Variants in SFPQ observed in about 807,000 individuals in gnomAD.
SFPQ encodes splicing factor, proline- and glutamine-rich.
Under a neutral mutation model 72.9 loss-of-function variants are expected in SFPQ, and 11 were observed. The observed-to-expected ratio is 0.15, with a 90% CI of 0.09 to 0.25. The LOEUF is 0.25. SFPQ is among the 10% of genes least tolerant of loss of function. The pLI, the probability that SFPQ is intolerant of heterozygous loss-of-function variation, is 1.00. For synonymous variants in SFPQ, 506 were observed against 367.3 expected (o/e 1.38, Z -4.32); for missense variants, 847 against 993.3 (o/e 0.85, Z 1.98).
downstream of SFPQ, chr1:35,181,411 G>T: frequency 9.4e-7 from 1 of 1,063,974 alleles, no homozygotes; most frequent in Non-Finnish European, 1.1e-6. Context: ...TTGCACAGGC[G>T]TAACATTACA....
downstream of SFPQ, chr1:35,181,673 G>A (rs1303932156): frequency 3.8e-6 from 4 of 1,060,446 alleles, no homozygotes; most frequent in South Asian, 1.4e-4. Context: ...ATGAGAAAGT[G>A]GAGAAGAGGA....
Position 35,189,195 on chromosome 1 carries a change from A to G in SFPQ, c.1603T>C (p.Leu535=), listed in dbSNP as rs1049105028. 13 of 1,613,796 alleles carry G rather than the reference A, an allele frequency of 8.1e-6. 1 individual carries two copies. In the South Asian group the frequency reaches 1.1e-4, roughly 14 times the overall value. The part of the protein sequence containing the change: ...DAYHEHQANL[L]RQDLMRRQEE... ...GCACAGGTCTTTTTACCTTGGCGCA[A>G]AAGATTTGCCTGATGTTCATGATAG... The change falls in exon 5 of 10, where the codon TTG becomes CTG. Residue 535 remains leucine (L), a synonymous_variant. Coordinates refer to ENST00000357214, the MANE Select transcript of SFPQ (RefSeq NM_005066.3).
chr1:35,184,076 C>G lies in SFPQ; in HGVS notation c.*380G>C, dbSNP rs1274925483. 3.7e-6 allele frequency: 4 copies of G among 1,094,926 alleles called. No individual in the cohort carries two copies. Among genetic ancestry groups the G allele is most frequent in the Non-Finnish European group, 4.4e-6 (4 of 900,188 alleles). The allele number at this position is 1,094,926 out of a possible 1,614,324, so 67.8% of individuals were successfully genotyped here. ...CATGCTTTCAATGTGGAATACGTAG[C>G]CTAATATGCATAGAAGCATGAATGG... On this transcript the variant is annotated 3_prime_UTR_variant, in exon 10 of 10. Transcript: ENST00000357214.
rs1639992023 is a variant in SFPQ at position 35,191,438 on chromosome 1, T to C, written c.920A>G (p.Asp307Gly). Reference protein sequence around the residue: ...CRLFVGNLPADITEDEFKRLF... With the variant: ...CRLFVGNLPAGITEDEFKRLF... ...TCTTTTGAATTCATCCTCCGTGATA[T>C]CAGCAGGTAGATTCCCAACAAACAA... The change falls in exon 2 of 10, where the codon GAT becomes GGT. Residue 307 changes from aspartate (D) to glycine (G), a missense_variant. Around this residue, in one of 6 missense-constraint regions of SFPQ, gnomAD observed 35 missense variants for 52.9 expected, o/e 0.66. Transcript: ENST00000357214. 6.2e-7 allele frequency: 1 copy of C among 1,614,046 alleles called. No homozygotes were observed. The highest frequency in any genetic ancestry group is 8.5e-7 in the Non-Finnish European group (1 of 1,179,978).
At chr1:35,179,267 G>T, downstream of SFPQ, 1 of 1,060,490 alleles carries the variant, frequency 9.4e-7, no homozygotes, top group Non-Finnish European at 1.1e-6. Flanking sequence ...CCCCATTAAG[G>T]TTAAAAGTCC....
chr1:35,181,367 A>G (rs1353359359), downstream of SFPQ: 2 of 1,064,974 alleles, frequency 1.9e-6, no homozygotes, highest in East Asian at 5.0e-5. Flanking sequence ...CCAAGTATCT[A>G]AATTTTAATC....
chr1:35,192,160 G>A, intron 1 of SFPQ, 62 bp downstream of exon 1: 4 of 1,259,284 alleles, frequency 3.2e-6, no homozygotes, highest in Non-Finnish European at 4.0e-6. Flanking sequence ...GCGGGGGCGG[G>A]GGCGAGGAGG....
chr1:35,189,778 G>A (rs376803698), intron 4 of SFPQ, among the ~76,000 whole-genome samples: 2 of 151,782 alleles, frequency 1.3e-5, no homozygotes, highest in Non-Finnish European at 2.9e-5. Flanking sequence ...ATGAAACCCC[G>A]TCTCCACTAA....
chr1:35,190,625 G>T, intron 3 of SFPQ, 32 bp from the exon 4 acceptor site: 1 of 1,608,310 alleles, frequency 6.2e-7, no homozygotes, highest in East Asian at 2.2e-5. Flanking sequence ...TCTTAGCTTT[G>T]TTCCAGTTTT....
Position 35,184,380 on chromosome 1 carries a change from A to G in SFPQ, c.*76T>C, listed in dbSNP as rs1429721820. On this transcript the variant is annotated 3_prime_UTR_variant, in exon 10 of 10. Transcript: ENST00000357214. ...TCCATAAAAAGATAGCTTTCTTACT[A>G]AAATGCAAGAATTTAAAAGATTGGT... 4 of 1,568,864 alleles carry G rather than the reference A, an allele frequency of 2.5e-6. No individual in the cohort carries two copies. Among genetic ancestry groups the G allele is most frequent in the Non-Finnish European group, 3.4e-6 (4 of 1,166,244 alleles).
In SFPQ at chr1:35,187,656, A is replaced by G. The variant is rs145996567; in HGVS notation, c.1815+317T>C. Among the ~76,000 whole-genome samples the G allele has an allele frequency of 3.0e-3, 463 of 152,204 alleles. 1 individual carries two copies. The highest frequency in any genetic ancestry group is 0.011 in the African/African-American group (441 of 41,562). ...TGAGGCAGGAGAATCACTTGAACCC[A>G]GAAGGCAGATGCTGCAGTGAGCCAA... On this transcript the variant is annotated intron_variant, in intron 7 of 9. Transcript: ENST00000357214.
chr1:35,179,986 A>T (rs1179564334), downstream of SFPQ: 34 of 1,050,226 alleles, frequency 3.2e-5, no homozygotes, highest in Non-Finnish European at 3.8e-5. Context: ...AGGCTAAACT[A>T]GTCATCATTT....
chr1:35,181,993 C>T (rs1639488605), downstream of SFPQ: 9 of 985,384 alleles, frequency 9.1e-6, no homozygotes, highest in Non-Finnish European at 9.6e-6. Flanking sequence ...TCAAAAGCCA[C>T]AACTTTCAGG....
rs150692987 is a variant in SFPQ at position 35,176,834 on chromosome 1, C to T, written c.*106-363G>A. Among the ~76,000 whole-genome samples the T allele has an allele frequency of 2.2e-4, 32 of 148,836 alleles. No homozygotes were observed. The East Asian group carries it at 6.4e-3, about 30-fold the overall frequency. On this transcript the variant is annotated intron_variant and NMD_transcript_variant, in intron 5 of 5. Coordinates refer to the SFPQ transcript ENST00000460428. ...GCTTGCGGTGAGCCAAGACTGTGCA[C>T]CACTGCTCCAGCCTGGGCGACAGAG...
rs1396515998 is a variant in SFPQ at position 35,192,435 on chromosome 1, A to G, written c.615T>C (p.Gly205=). 1 of 1,421,508 alleles carries G rather than the reference A, an allele frequency of 7.0e-7. No individual in the cohort carries two copies. The highest frequency in any genetic ancestry group is 9.1e-7 in the Non-Finnish European group (1 of 1,096,020). The allele number at this position is 1,421,508 out of a possible 1,614,324, so 88.1% of individuals were successfully genotyped here. The stretch of plus-strand genomic sequence containing the variant: ...CAGGCATTTTGCCGCCTTTGGGACC[A>G]CCCGGACCTGGGCCCTGCTTAGGCC... ...GPGPKQGPGP[G]GPKGGKMPGG... The change falls in exon 1 of 10, where the codon GGT becomes GGC. Residue 205 remains glycine (G), a synonymous_variant. Transcript: ENST00000357214.
chr1:35,179,787 G>T, downstream of SFPQ: 1 of 1,054,450 alleles, frequency 9.5e-7, no homozygotes, highest in Non-Finnish European at 1.1e-6. Flanking sequence ...AATTGTTACT[G>T]ACTGGTAAGA....
downstream of SFPQ, chr1:35,182,497 T>C (rs1639511972): frequency 7.1e-6 from 7 of 985,320 alleles, no homozygotes; most frequent in South Asian, 3.3e-4. Context: ...CAGTATTTGG[T>C]GAGATGCTTT....
intron 9 of SFPQ, among the ~76,000 whole-genome samples, chr1:35,184,917 T>G (rs2148613417): frequency 6.6e-6 from 1 of 152,322 alleles, no homozygotes; most frequent in Non-Finnish European, 1.5e-5. Context: ...TCACATCAGA[T>G]TAACCCACTG....
At chr1:35,184,850 AAATTTAAG>A (rs1639633879) in intron 9 of SFPQ, among the ~76,000 whole-genome samples, 1 of 152,230 alleles carries the variant, frequency 6.6e-6, no homozygotes, top group Non-Finnish European at 1.5e-5. Flanking sequence ...TAGTGCTAAA[AAATTTAAG>A]AATTAGTGCA....
Sources: gnomAD v4.1 joint callset for allele counts (sites outside exome capture counted in the v4.1 genomes callset) on GRCh38, gnomAD v4.1.1 for gene constraint, gnomAD v4.1.1 regional missense constraint, MANE v1.5 for transcripts, NCBI Gene and HGNC (gene_info 2026-07-23, HGNC 2026-07-21) for gene names.